Variants in FBXO16 observed in about 807,000 individuals in gnomAD.
The protein encoded by FBXO16 is F-box only protein 16.
Under a neutral mutation model 41.0 loss-of-function variants are expected in FBXO16, and 31 were observed. The observed-to-expected ratio is 0.76, with a 90% confidence interval of 0.57 to 1.02. The LOEUF (loss-of-function observed/expected upper bound fraction) is 1.02. Ranked by LOEUF, FBXO16 falls within the 50% of genes least tolerant of loss-of-function variation. The pLI is 0.00. For synonymous variants in FBXO16, 133 were observed against 117.8 expected (o/e 1.13, Z -0.84); for missense variants, 361 against 346.2 (o/e 1.04, Z -0.34).
At chr8:28,429,598 G>A (rs374317200) in intron 7 of FBXO16, among the ~76,000 whole-genome samples, 195 bp from the exon 8 acceptor site, 5 of 151,346 alleles carry the variant, frequency 3.3e-5, no homozygotes, top group Middle Eastern at 3.4e-3. Flanking sequence ...ATGCCCCCCC[G>A]TTACTCCATA....
intron 7 of FBXO16, among the ~76,000 whole-genome samples, chr8:28,430,027 G>C (rs1802583743): frequency 6.6e-6 from 1 of 152,068 alleles, no homozygotes; most frequent in South Asian, 2.1e-4. Context: ...GTAATTCTTT[G>C]TCCCCCAATG....
intron 4 of FBXO16, among the ~76,000 whole-genome samples, chr8:28,461,083 C>CCT (rs1186943906): frequency 2.2e-5 from 3 of 136,462 alleles, no homozygotes; most frequent in African/African-American, 8.2e-5. Context: ...TATACCTCTG[C>CCT]TTTTTTTTTT....
chr8:28,429,387 G>A lies in FBXO16; in HGVS notation c.860C>T (p.Pro287Leu), dbSNP rs138008129. 5.6e-6 allele frequency: 9 copies of A among 1,613,866 alleles called. No homozygotes were observed. The African/African-American group carries it at 1.2e-4, about 22-fold the overall frequency. ...CACAACCGAAACTCACAGTGGGAAG[G>A]GATTTCTCCTCGACATCTGGCCGCG... ...KAQSMMSRRNPFPLCP is the reference protein window; with the variant it reads ...KAQSMMSRRNLFPLCP The change falls in exon 8 of 9, where the codon CCC (proline) becomes CTC (leucine). Residue 287 changes from proline to leucine, a missense_variant. By Grantham distance (98) the Pro-to-Leu change is moderately conservative (BLOSUM62 -3). Transcript: ENST00000380254.
intron 1 of FBXO16, 29 bp from the exon 2 acceptor site, chr8:28,483,491 A>C (rs1170399906): frequency 6.6e-7 from 1 of 1,521,604 alleles, no homozygotes; most frequent in South Asian, 1.1e-5. Flanking sequence ...CACCTATCAG[A>C]AGAAGTGAAT....
chr8:28,469,016 T>A (rs976374715), intron 3 of FBXO16, among the ~76,000 whole-genome samples: 12 of 152,118 alleles, frequency 7.9e-5, no homozygotes, highest in African/African-American at 2.4e-4. Context: ...AAAAAAAAAT[T>A]TTTTTATTAG....
At chr8:28,464,580 A>C (rs766718400) in intron 3 of FBXO16, among the ~76,000 whole-genome samples, 8 of 152,216 alleles carry the variant, frequency 5.3e-5, no homozygotes, top group Non-Finnish European at 1.0e-4. Flanking sequence ...TGGGGAAGAG[A>C]AAATAGGGAA....
At chr8:28,488,106 C>T (rs1803631818) in intron 1 of FBXO16, among the ~76,000 whole-genome samples, 1 of 151,520 alleles carries the variant, frequency 6.6e-6, no homozygotes, top group Non-Finnish European at 1.5e-5. Flanking sequence ...CCACTTCGGC[C>T]TCCCAAAGTG....
chr8:28,429,227 C>A, intron 8 of FBXO16, 151 bp downstream of exon 8: 1 of 755,568 alleles, frequency 1.3e-6, no homozygotes, highest in South Asian at 1.8e-5. Context: ...CTTTGATCCT[C>A]TCGCCTCTGC....
intron 5 of FBXO16, among the ~76,000 whole-genome samples, chr8:28,452,939 A>AT (rs1802980326): frequency 6.8e-6 from 1 of 147,440 alleles, no homozygotes; most frequent in Non-Finnish European, 1.5e-5. Context: ...AAGGAATATC[A>AT]TCATCATCAT....
intron 3 of FBXO16, among the ~76,000 whole-genome samples, chr8:28,468,522 G>A (rs1352838286): frequency 6.6e-6 from 1 of 152,014 alleles, no homozygotes; most frequent in Non-Finnish European, 1.5e-5. Context: ...GTGTAAATAC[G>A]TTTTTGTCTT....
At chr8:28,465,821 T>C (rs1803228571) in intron 3 of FBXO16, among the ~76,000 whole-genome samples, 1 of 151,960 alleles carries the variant, frequency 6.6e-6, no homozygotes, top group Non-Finnish European at 1.5e-5. Context: ...TTTGTTTTTG[T>C]TTTTGGTCCT....
intron 1 of FBXO16, among the ~76,000 whole-genome samples, chr8:28,485,395 A>T (rs1803586534): frequency 6.6e-6 from 1 of 151,790 alleles, no homozygotes; most frequent in African/African-American, 2.4e-5. Context: ...CTGGTCTCGA[A>T]CTCCTGATCT....
In FBXO16 at chr8:28,429,315, T is replaced by A. The variant is rs1027385059; in HGVS notation, c.869+63A>T. The A allele has an allele frequency of 2.6e-6, 4 of 1,560,998 alleles. No individual in the cohort carries two copies. The African/African-American group carries it at 4.1e-5, about 16-fold the overall frequency. On this transcript the variant is annotated intron_variant, in intron 8 of 8. Transcript: ENST00000380254. ...ATAATTTACACTCTCCATTAATCAA[T>A]ACATGCACACGATCTCTCTAAAAAG... is the stretch of plus-strand genomic sequence containing the variant.
chr8:28,447,376 AAAG>A, intron 6 of FBXO16, 103 bp from the exon 7 acceptor site: 4 of 1,007,428 alleles, frequency 4.0e-6, no homozygotes, highest in Non-Finnish European at 5.9e-6. Flanking sequence ...CTGTGATTTA[AAAG>A]ATTGTCTCCA....
At chr8:28,443,638 G>T (rs1784126326) in intron 7 of FBXO16, among the ~76,000 whole-genome samples, 1 of 152,144 alleles carries the variant, frequency 6.6e-6, no homozygotes, top group Non-Finnish European at 1.5e-5. Context: ...TAGGAGCTGG[G>T]TAAAATGAGG....
At chr8:28,476,610 TCA>T (rs2130188384) in intron 2 of FBXO16, among the ~76,000 whole-genome samples, 1 of 152,338 alleles carries the variant, frequency 6.6e-6, no homozygotes, top group East Asian at 1.9e-4. Context: ...TCTGTTTATA[TCA>T]CAGTTTACTC....
chr8:28,470,467 CATAA>C (rs575741175), intron 3 of FBXO16, among the ~76,000 whole-genome samples: 127 of 152,292 alleles, frequency 8.3e-4, no homozygotes, highest in Middle Eastern at 3.4e-3. Context: ...CTCTAGTATA[CATAA>C]ATAGAGGTTC....
chr8:28,460,245 A>ATATT (rs1477457728), intron 4 of FBXO16, among the ~76,000 whole-genome samples: 53 of 85,440 alleles, frequency 6.2e-4, no homozygotes, highest in Admixed American at 1.1e-3. Flanking sequence ...ATATATATAT[A>ATATT]TTTTTTTTTT....
chr8:28,453,064 G>A (rs568983159), intron 5 of FBXO16, among the ~76,000 whole-genome samples: 141 of 152,230 alleles, frequency 9.3e-4, no homozygotes, highest in African/African-American at 3.3e-3. Flanking sequence ...CCATGTTGCA[G>A]TCACTGTCTG....
Sources: allele counts gnomAD v4.1 joint callset (sites outside exome capture counted in the v4.1 genomes callset), GRCh38; gene constraint gnomAD v4.1.1; transcripts MANE v1.5; gene names NCBI Gene and HGNC (gene_info 2026-07-23, HGNC 2026-07-21).